TCF4: variants seen among roughly 807,000 people sequenced by gnomAD.
TCF4 encodes the protein transcription factor 4, also known as SL3-3 enhancer factor 2.
In TCF4, 3 loss-of-function variants were observed where a neutral mutation model predicts 82.1. The ratio of observed to expected loss-of-function variants is 0.04; its 90% CI spans 0.02 to 0.09. TCF4 has a LOEUF of 0.09. Ranked by LOEUF, TCF4 falls within the 10% of genes least tolerant of loss-of-function variation. The pLI is 1.00. For missense variants in TCF4, 518 were observed against 852.7 expected, an observed-to-expected ratio of 0.61 and a Z score of 4.89; for synonymous variants, 276 against 309.6, an observed-to-expected ratio of 0.89 and a Z score of 1.14.
intron 15 of TCF4, among the ~76,000 whole-genome samples, chr18:55,244,882 T>C (rs915711333): frequency 2.6e-5 from 4 of 152,166 alleles, no homozygotes; most frequent in African/African-American, 4.8e-5. Flanking sequence ...AAGGCAAATG[T>C]GAAATTAAAA....
chr18:55,349,038 T>C (rs2081792308), intron 8 of TCF4, among the ~76,000 whole-genome samples: 1 of 152,186 alleles, frequency 6.6e-6, no homozygotes, highest in African/African-American at 2.4e-5. Context: ...TAAAATCCTT[T>C]GGGCATATTA....
At chr18:55,330,176 A>ATTTTTTT (rs3077897) in intron 8 of TCF4, among the ~76,000 whole-genome samples, 5 of 110,478 alleles carry the variant, frequency 4.5e-5, no homozygotes, top group South Asian at 2.7e-4. Context: ...GCAATGTTGG[A>ATTTTTTT]TTTTTTTTTT....
rs370554713 is a variant in TCF4, at chr18:55,308,490, AG to A, written c.550-28835del. On this transcript the variant is annotated intron_variant, in intron 8 of 19. Transcript: ENST00000354452. ...GCTCTCTCGGGAGCATTCTACCCAA[AG>A]GTCTTGTCTAACTGTATGTATGGAC... 2.7e-4 allele frequency among the ~76,000 whole-genome samples: 41 copies of A among 152,328 alleles called. 1 individual carries two copies. The East Asian group carries it at 6.6e-3, about 24-fold the overall frequency.
intron 6 of TCF4, among the ~76,000 whole-genome samples, chr18:55,385,721 A>C (rs2092536067): frequency 6.6e-6 from 1 of 152,218 alleles, no homozygotes; most frequent in East Asian, 1.9e-4. Flanking sequence ...CTAAAAGACC[A>C]CTGAAGACTA....
In TCF4 at chr18:55,434,790, G is replaced by GTGTA. The variant is rs1184568917; in HGVS notation, c.304+26228_304+26229insTACA. ...TGTGTGTGTGTGTGTGTGTGTGTGT[G>GTGTA]TGTGTGTATTTTAATTTTTGTAGGT... On this transcript the variant is annotated intron_variant, in intron 5 of 19. Coordinates refer to ENST00000354452, the MANE Select transcript of TCF4 (RefSeq NM_001083962.2). Among the ~76,000 whole-genome samples the GTGTA allele has an allele frequency of 2.6e-5, 4 of 151,004 alleles. No individual in the cohort carries two copies. The East Asian group carries it at 7.8e-4, about 29-fold the overall frequency.
At chr18:55,261,373 CCATT>C in intron 12 of TCF4, 89 bp downstream of exon 12, 1 of 1,457,398 alleles carries the variant, frequency 6.9e-7, no homozygotes, top group Non-Finnish European at 9.6e-7. Flanking sequence ...AAGCTATTTG[CCATT>C]CATTTTCTAA....
chr18:55,563,919 T>C (rs991873430), intron 3 of TCF4, among the ~76,000 whole-genome samples: 2 of 152,260 alleles, frequency 1.3e-5, no homozygotes, highest in Non-Finnish European at 2.9e-5. Context: ...CCAATGACAC[T>C]ATGACTAAAT....
intron 3 of TCF4, among the ~76,000 whole-genome samples, chr18:55,571,076 T>C (rs1159881635): frequency 1.3e-5 from 2 of 152,164 alleles, no homozygotes; most frequent in South Asian, 2.1e-4. Context: ...ATTCTACTCA[T>C]AGATATCCAC....
chr18:55,597,432 A>C (rs1363003875), intron 2 of TCF4, among the ~76,000 whole-genome samples: 1 of 152,098 alleles, frequency 6.6e-6, no homozygotes, highest in Non-Finnish European at 1.5e-5. Context: ...AAAAAGGCTG[A>C]GGTGGGCGGA....
At chr18:55,266,077 C>T (rs2059112272) in intron 11 of TCF4, 1 of 151,980 alleles carries the variant, frequency 6.6e-6, no homozygotes, top group Non-Finnish European at 1.5e-5. Flanking sequence ...GATGGTATGT[C>T]CCAATGGGGA....
At chr18:55,473,518 T>C (rs930265892) in intron 3 of TCF4, among the ~76,000 whole-genome samples, 5 of 152,208 alleles carry the variant, frequency 3.3e-5, no homozygotes, top group Non-Finnish European at 5.9e-5. Flanking sequence ...TTGCTTAAAA[T>C]ACTCACTCCC....
intron 3 of TCF4, chr18:55,550,311 T>C (rs1306782537): frequency 5.3e-5 from 8 of 152,184 alleles, no homozygotes; most frequent in Non-Finnish European, 4.4e-5. Flanking sequence ...ACAAACTTAT[T>C]TTTCTGGACT....
At chr18:55,525,337 A>G (rs1412886409) in intron 3 of TCF4, among the ~76,000 whole-genome samples, 1 of 152,086 alleles carries the variant, frequency 6.6e-6, no homozygotes, top group East Asian at 1.9e-4. Context: ...TATAAAGAAA[A>G]ATACTCTTCT....
intron 3 of TCF4, chr18:55,550,564 T>C (rs1475015978): frequency 6.6e-6 from 1 of 152,182 alleles, no homozygotes; most frequent in Non-Finnish European, 1.5e-5. Context: ...GCCAGAAATT[T>C]GGTCTTGTGT....
chr18:55,368,286 C>T (rs1481526030), intron 6 of TCF4, among the ~76,000 whole-genome samples: 1 of 152,150 alleles, frequency 6.6e-6, no homozygotes, highest in African/African-American at 2.4e-5. Flanking sequence ...GAGGCTGAGA[C>T]AGGAGAATCA....
chr18:55,447,170 G>C (rs569111610), intron 5 of TCF4, among the ~76,000 whole-genome samples: 23 of 152,020 alleles, frequency 1.5e-4, no homozygotes, highest in African/African-American at 5.5e-4. Flanking sequence ...AATTAGCCAG[G>C]TGTGGTGGCA....
At chr18:55,441,681 C>T (rs182365970) in intron 5 of TCF4, among the ~76,000 whole-genome samples, 8 of 152,198 alleles carry the variant, frequency 5.3e-5, no homozygotes, top group Admixed American at 3.3e-4. Context: ...ATAAGTACTA[C>T]TACATATTAT....
rs1252600996 is a variant in TCF4, at chr18:55,464,143, G to A, written c.146-6C>T. ...GCTACTTCTGTCTTCTACATCTAGG[G>A]ACAAGAGAAAAGTTCTTTAGGCTTT... On this transcript the variant is annotated splice_region_variant and splice_polypyrimidine_tract_variant and intron_variant, in intron 3 of 19. Coordinates refer to ENST00000354452, the MANE Select transcript of TCF4 (RefSeq NM_001083962.2). 2 of 1,613,894 alleles carry A rather than the reference G, an allele frequency of 1.2e-6. No individual in the cohort carries two copies. The highest frequency in any genetic ancestry group is 2.2e-5 in the East Asian group (1 of 44,874).
chr18:55,492,647 A>G (rs1346344395), intron 3 of TCF4, among the ~76,000 whole-genome samples: 1 of 152,212 alleles, frequency 6.6e-6, no homozygotes, highest in African/African-American at 2.4e-5. Flanking sequence ...CCAAACCTAC[A>G]GCTCAAGTCT....
Sources: allele counts gnomAD v4.1 joint callset (sites outside exome capture counted in the v4.1 genomes callset), GRCh38; gene constraint gnomAD v4.1.1; transcripts MANE v1.5; gene names NCBI Gene and HGNC (gene_info 2026-07-23, HGNC 2026-07-21).